The following HERPUD2 variants were observed in gnomAD, a reference collection of about 807,000 sequenced individuals.
The protein encoded by HERPUD2 is HERPUD family member 2, also known as homocysteine-responsive endoplasmic reticulum-resident ubiquitin-like domain member 2 protein.
Under a neutral mutation model 49.9 loss-of-function variants are expected in HERPUD2, and 13 were observed. That is an observed-to-expected ratio of 0.26 (90% CI 0.17 to 0.41). The LOEUF (loss-of-function observed/expected upper bound fraction) is 0.41. Among genes scored for constraint, HERPUD2 ranks in the 10% least tolerant of loss-of-function variants. The probability of loss-of-function intolerance (pLI) is 1.00; values close to 1 mark genes in which losing one functional copy is unlikely to be tolerated. For missense variants in HERPUD2, 449 were observed against 492.2 expected, an observed-to-expected ratio of 0.91 and a Z score of 0.83; for synonymous variants, 172 against 171.4, an observed-to-expected ratio of 1.00 and a Z score of -0.03.
At chr7:35,680,185 C>T (rs935701724) in intron 2 of HERPUD2, among the ~76,000 whole-genome samples, 2 of 152,096 alleles carry the variant, frequency 1.3e-5, no homozygotes, top group African/African-American at 4.8e-5. Context: ...GGCAGAAGGA[C>T]TGCTTGAGCC....
At chr7:35,639,389 T>G (rs1236316245) in intron 5 of HERPUD2, among the ~76,000 whole-genome samples, 1 of 152,194 alleles carries the variant, frequency 6.6e-6, no homozygotes. Flanking sequence ...TCTCCATACT[T>G]CAGTTTCCTC....
chr7:35,686,389 G>A (rs1214801155), intron 2 of HERPUD2, among the ~76,000 whole-genome samples: 2 of 147,234 alleles, frequency 1.4e-5, no homozygotes, highest in African/African-American at 2.5e-5. Context: ...GGGTTTCACC[G>A]TGTTAGCCAG....
intron 2 of HERPUD2, among the ~76,000 whole-genome samples, chr7:35,686,740 A>AAC (rs1562688581): frequency 9.2e-6 from 1 of 108,640 alleles, no homozygotes; most frequent in African/African-American, 4.0e-5. Context: ...AAAAAAAAAA[A>AAC]AAAAACCAAA....
intron 2 of HERPUD2, among the ~76,000 whole-genome samples, chr7:35,688,085 A>T (rs1786103229): frequency 6.6e-6 from 1 of 152,242 alleles, no homozygotes; most frequent in South Asian, 2.1e-4. Context: ...CTTTAAAAGT[A>T]GTAACTATTA....
At chr7:35,674,763 A>G (rs1785724320) in intron 2 of HERPUD2, among the ~76,000 whole-genome samples, 2 of 151,844 alleles carry the variant, frequency 1.3e-5, no homozygotes, top group African/African-American at 4.8e-5. Context: ...CGAAGCTTCC[A>G]TAAAACCCAA....
At chr7:35,661,412 A>T (rs1785419199) in intron 5 of HERPUD2, among the ~76,000 whole-genome samples, 2 of 152,196 alleles carry the variant, frequency 1.3e-5, no homozygotes, top group Non-Finnish European at 2.9e-5. Context: ...TCTGTGAAGA[A>T]AGTCATTGGT....
intron 3 of HERPUD2, among the ~76,000 whole-genome samples, chr7:35,672,186 G>C (rs978472062): frequency 2.6e-5 from 4 of 151,720 alleles, no homozygotes; most frequent in African/African-American, 9.7e-5. Context: ...CTGTGCCTAT[G>C]TGGGGTCAGA....
intron 5 of HERPUD2, among the ~76,000 whole-genome samples, chr7:35,662,051 C>A (rs1430971059): frequency 2.0e-5 from 3 of 152,178 alleles, no homozygotes; most frequent in Non-Finnish European, 4.4e-5. Context: ...TACGTCCCAT[C>A]AATACCTAAT....
chr7:35,639,112 T>C (rs1784924141), intron 5 of HERPUD2, among the ~76,000 whole-genome samples: 1 of 151,716 alleles, frequency 6.6e-6, no homozygotes, highest in Non-Finnish European at 1.5e-5. Context: ...CAGTGAAACC[T>C]CTGCCTCCTG....
At chr7:35,642,925 A>G (rs528802419) in intron 5 of HERPUD2, among the ~76,000 whole-genome samples, 7 of 152,328 alleles carry the variant, frequency 4.6e-5, no homozygotes, top group Non-Finnish European at 1.0e-4. Context: ...TTACCTATGT[A>G]ACAAATCTGA....
chr7:35,684,630 TG>T (rs1321553546), intron 2 of HERPUD2, among the ~76,000 whole-genome samples: 1 of 152,096 alleles, frequency 6.6e-6, no homozygotes, highest in Admixed American at 6.5e-5. Flanking sequence ...TTATTCTAAG[TG>T]AAGTACTCAG....
At chr7:35,673,344 C>A in intron 2 of HERPUD2, 66 bp from the exon 3 acceptor site, 1 of 1,208,772 alleles carries the variant, frequency 8.3e-7, no homozygotes, top group Non-Finnish European at 1.2e-6. Flanking sequence ...TTGGGAATAA[C>A]ATGCCTAATT....
intron 3 of HERPUD2, 109 bp from the exon 4 acceptor site, chr7:35,670,437 C>A (rs1184038880): frequency 2.4e-6 from 1 of 421,396 alleles, no homozygotes; most frequent in Non-Finnish European, 4.2e-6. Flanking sequence ...TCGAGCCTAG[C>A]CATTTAATTA....
intron 5 of HERPUD2, among the ~76,000 whole-genome samples, chr7:35,652,071 T>A (rs766500707): frequency 6.6e-6 from 1 of 152,216 alleles, no homozygotes; most frequent in East Asian, 1.9e-4. Context: ...AGTCAGCATA[T>A]GATTCCAGGC....
In HERPUD2 at chr7:35,682,209, T is replaced by G. The variant is rs529910097; in HGVS notation, c.148-8931A>C. Among the ~76,000 whole-genome samples the G allele has an allele frequency of 2.6e-4, 36 of 138,786 alleles. 1 individual carries two copies. Among genetic ancestry groups the G allele is most frequent in the South Asian group, 1.1e-3 (5 of 4,416 alleles). The allele number at this position is 138,786 out of a possible 152,430, so 91.0% of individuals were successfully genotyped here. On this transcript the variant is annotated intron_variant, in intron 2 of 8. Coordinates refer to ENST00000311350, the MANE Select transcript of HERPUD2 (RefSeq NM_022373.5). ...ATGCGTTATCACGCCTGGCTAATTT[T>G]TGTGTGTGTGTGTGTATATATAGAT... is the stretch of plus-strand genomic sequence containing the variant.
chr7:35,677,701 A>G (rs967897948), intron 2 of HERPUD2, among the ~76,000 whole-genome samples: 1 of 152,210 alleles, frequency 6.6e-6, no homozygotes, highest in African/African-American at 2.4e-5. Flanking sequence ...TTTCTTCAAG[A>G]GAGAAATAAT....
intron 5 of HERPUD2, among the ~76,000 whole-genome samples, chr7:35,643,633 C>T (rs1256185562): frequency 6.6e-6 from 1 of 151,482 alleles, no homozygotes; most frequent in East Asian, 1.9e-4. Flanking sequence ...CACACACTTT[C>T]ATGAATTTTC....
chr7:35,669,568 G>A (rs889863393), intron 4 of HERPUD2, among the ~76,000 whole-genome samples: 8 of 152,112 alleles, frequency 5.3e-5, no homozygotes, highest in African/African-American at 1.9e-4. Flanking sequence ...TAAAAGGATT[G>A]GGGACAATGT....
intron 5 of HERPUD2, among the ~76,000 whole-genome samples, chr7:35,666,446 T>A (rs1401677132): frequency 2.0e-5 from 3 of 152,216 alleles, no homozygotes; most frequent in Non-Finnish European, 4.4e-5. Context: ...CAGCAGTCAA[T>A]AGCTACTCCT....
Sources: allele counts gnomAD v4.1 joint callset (sites outside exome capture counted in the v4.1 genomes callset), GRCh38; gene constraint gnomAD v4.1.1; transcripts MANE v1.5; gene names NCBI Gene and HGNC (gene_info 2026-07-23, HGNC 2026-07-21).